Variants in DPH6 observed in about 807,000 individuals in gnomAD.
DPH6 encodes diphthamine biosynthesis 6.
A neutral mutation model predicts 38.2 loss-of-function variants in DPH6; 33 were observed. The ratio of observed to expected loss-of-function variants is 0.86; its 90% CI spans 0.65 to 1.15. The LOEUF (loss-of-function observed/expected upper bound fraction) is 1.15. DPH6 is among the 50% of genes most tolerant of loss of function. The pLI, the probability that DPH6 is intolerant of heterozygous loss-of-function variation, is 0.00. For synonymous variants in DPH6, 108 were observed against 103.0 expected (o/e 1.05, Z -0.30); for missense variants, 325 against 320.0 (o/e 1.02, Z -0.12).
intron 3 of DPH6, among the ~76,000 whole-genome samples, chr15:35,292,963 C>A (rs2051989943): frequency 6.6e-6 from 1 of 152,086 alleles, no homozygotes; most frequent in African/African-American, 2.4e-5. Context: ...TATTTAGTTT[C>A]TTCAATCATT....
chr15:35,366,524 T>C (rs2052662258), downstream of DPH6, among the ~76,000 whole-genome samples: 1 of 152,006 alleles, frequency 6.6e-6, no homozygotes. Context: ...ATGCTCATTG[T>C]TAAGAAGCCA....
intron 6 of DPH6, among the ~76,000 whole-genome samples, chr15:35,402,795 C>T (rs535452948): frequency 2.0e-4 from 30 of 151,904 alleles, no homozygotes; most frequent in African/African-American, 7.2e-4. Context: ...AAGAAAATAA[C>T]CAGAAATGTG....
At chr15:35,475,876 A>C (rs1735344520) in intron 3 of DPH6, among the ~76,000 whole-genome samples, 1 of 151,868 alleles carries the variant, frequency 6.6e-6, no homozygotes, top group South Asian at 2.1e-4. Flanking sequence ...TATAAGCCAC[A>C]GTCTCTGCCC....
At chr15:35,509,897 A>C (rs2054744614) in intron 3 of DPH6, among the ~76,000 whole-genome samples, 2 of 152,222 alleles carry the variant, frequency 1.3e-5, no homozygotes, top group Admixed American at 1.3e-4. Context: ...GTTGTAAACC[A>C]AGAAACTTTA....
At chr15:35,464,607 T>A (rs554989728) in intron 3 of DPH6, among the ~76,000 whole-genome samples, 2 of 152,208 alleles carry the variant, frequency 1.3e-5, no homozygotes, top group Non-Finnish European at 2.9e-5. Context: ...ATAATTTATC[T>A]GTCAACAAAT....
At chr15:35,448,369 C>A (rs2053884005) in intron 5 of DPH6, among the ~76,000 whole-genome samples, 1 of 152,012 alleles carries the variant, frequency 6.6e-6, no homozygotes, top group Admixed American at 6.6e-5. Context: ...CTCTTGTGAC[C>A]TTGATAATCA....
chr15:35,191,800 T>A, the DPH6 span, among the ~76,000 whole-genome samples: 1 of 152,216 alleles, frequency 6.6e-6, no homozygotes, highest in Admixed American at 6.5e-5. Flanking sequence ...ACAATCTCAG[T>A]AATGAGATAC....
At chr15:35,489,539 A>G (rs2054448908) in intron 3 of DPH6, 1 of 983,074 alleles carries the variant, frequency 1.0e-6, no homozygotes, top group Non-Finnish European at 1.2e-6. Context: ...TTTTGCAGGG[A>G]TGAGTCTATA....
chr15:35,230,077 A>G (rs928974229), intron 3 of DPH6, among the ~76,000 whole-genome samples: 2 of 152,190 alleles, frequency 1.3e-5, no homozygotes, highest in East Asian at 1.9e-4. Context: ...CTGGGGCTCT[A>G]CAATCAGGAC....
At chr15:35,360,080 G>A (rs886230777) in intron 3 of DPH6, among the ~76,000 whole-genome samples, 3 of 152,008 alleles carry the variant, frequency 2.0e-5, no homozygotes, top group African/African-American at 7.2e-5. Flanking sequence ...TTGATTTTTT[G>A]CACCATTTAG....
intron 3 of DPH6, among the ~76,000 whole-genome samples, chr15:35,535,414 A>C (rs1036949): frequency 0.89 from 136,025 of 152,116 alleles, 60,949 homozygotes; most frequent in East Asian, 1. Flanking sequence ...AAGGCAGTTT[A>C]TTAAATATAG....
intron 3 of DPH6, among the ~76,000 whole-genome samples, chr15:35,493,439 A>G (rs2054509759): frequency 6.6e-6 from 1 of 152,180 alleles, no homozygotes; most frequent in Non-Finnish European, 1.5e-5. Context: ...AACAAAAATA[A>G]TTGCATTTAA....
At chr15:35,381,965 A>G in intron 6 of DPH6, 49 bp from the exon 7 acceptor site, 1 of 1,390,360 alleles carries the variant, frequency 7.2e-7, no homozygotes, top group Non-Finnish European at 1.0e-6. Context: ...AAAATTAGAC[A>G]GCATAAATGC....
chr15:35,190,382 G>T, the DPH6 span, among the ~76,000 whole-genome samples: 10 of 152,196 alleles, frequency 6.6e-5, no homozygotes, highest in African/African-American at 1.4e-4. Context: ...GGTGGGTAGG[G>T]GTCTGAAAGT....
At chr15:35,326,691 T>C (rs1481116), downstream of DPH6, among the ~76,000 whole-genome samples, 79,843 of 152,036 alleles carry the variant, frequency 0.53, 24,804 homozygotes, top group African/African-American at 0.86. Context: ...CCACCTCAGC[T>C]GCCCAAAGTT....
chr15:35,350,330 T>TG (rs1186572582), intron 3 of DPH6, among the ~76,000 whole-genome samples: 1 of 151,446 alleles, frequency 6.6e-6, no homozygotes, highest in Admixed American at 6.6e-5. Context: ...CTGTTTTTTT[T>TG]TTTTTCTTAG....
intron 3 of DPH6, among the ~76,000 whole-genome samples, chr15:35,496,567 A>AAAAATATATATATATATATATATATAT: frequency 2.6e-4 from 8 of 31,014 alleles, no homozygotes; most frequent in Non-Finnish European, 3.7e-4. Context: ...AAAAAAAAAA[A>AAAAATATATATATATATATATATATAT]ATATATATAT....
At chr15:35,292,893 G>T (rs2051989406) in intron 3 of DPH6, among the ~76,000 whole-genome samples, 1 of 151,860 alleles carries the variant, frequency 6.6e-6, no homozygotes, top group Admixed American at 6.6e-5. Context: ...CATTTTAAAG[G>T]TATTATTTTG....
intron 6 of DPH6, among the ~76,000 whole-genome samples, chr15:35,388,175 C>T (rs2140952219): frequency 6.6e-6 from 1 of 152,312 alleles, no homozygotes; most frequent in South Asian, 2.1e-4. Flanking sequence ...ACCAGCCTTG[C>T]ATCCCAGGGA....
Sources: gnomAD v4.1 joint callset for allele counts (sites outside exome capture counted in the v4.1 genomes callset) on GRCh38, gnomAD v4.1.1 for gene constraint, MANE v1.5 for transcripts, NCBI Gene and HGNC (gene_info 2026-07-23, HGNC 2026-07-21) for gene names.